The following C2CD5 variants were observed in gnomAD, a reference collection of about 807,000 sequenced individuals.
The protein encoded by C2CD5 is C2 calcium dependent domain containing 5.
C2CD5 carries 109 observed loss-of-function variants against 130.3 expected under a neutral mutation model. The ratio of observed to expected loss-of-function variants is 0.84; its 90% confidence interval spans 0.72 to 0.98. The LOEUF is 0.98. Ranked by LOEUF, C2CD5 falls within the 50% of genes least tolerant of loss-of-function variation. The pLI, the probability that C2CD5 is intolerant of heterozygous loss-of-function variation, is 0.00. For missense variants in C2CD5, 996 were observed against 1,261.8 expected (o/e 0.79, Z 3.19); for synonymous variants, 454 against 429.2 (o/e 1.06, Z -0.71).
In C2CD5 at chr12:22,524,491, T is replaced by C; in HGVS notation, c.582A>G (p.Arg194=). ...TPRASNEARQ[R]LISLMSGELQ... The stretch of plus-strand genomic sequence containing the variant: ...AAATACCTGACATTAACGAAATGAG[T>C]CTCTGTCTGGCCTCATTTGATGCCC... Residue 194 remains arginine, a synonymous_variant, in exon 6 of 27, where the codon AGA becomes AGG. Coordinates refer to ENST00000446597, the MANE Select transcript of C2CD5 (RefSeq NM_001286176.2). 2 of 1,613,434 alleles carry C rather than the reference T, an allele frequency of 1.2e-6. No homozygotes were observed. Among genetic ancestry groups the C allele is most frequent in the Non-Finnish European group, 1.7e-6 (2 of 1,179,688 alleles).
intron 13 of C2CD5, 53 bp from the exon 14 acceptor site, chr12:22,482,796 T>G: frequency 1.5e-6 from 2 of 1,363,742 alleles, no homozygotes; most frequent in East Asian, 2.3e-5. Flanking sequence ...CCTTTAAAAA[T>G]GTCCAAATTT....
At position 22,453,980 on chromosome 12, in the gene C2CD5, A is replaced by G; in HGVS notation, c.2940T>C (p.Ala980=). The G allele has an allele frequency of 1.1e-5, 18 of 1,613,544 alleles. No individual in the cohort carries two copies. Among genetic ancestry groups the G allele is most frequent in the Non-Finnish European group, 1.5e-5 (18 of 1,179,582 alleles). The change falls in exon 26 of 27, where the codon GCT becomes GCC. Residue 980 remains alanine, a synonymous_variant. Transcript: ENST00000446597. ...FIAEVFAMVR[A]HVAALGGNAV... The stretch of plus-strand genomic sequence containing the variant: ...CATTCCCTCCTAATGCAGCAACATG[A>G]GCTCTCACCATTGCAAACACTTCAG...
intron 14 of C2CD5, 30 bp downstream of exon 14, chr12:22,482,527 T>A (rs747684728): frequency 6.3e-7 from 1 of 1,588,970 alleles, no homozygotes; most frequent in Non-Finnish European, 8.6e-7. Context: ...AAGGAAATCA[T>A]AAAACAAAAC....
At chr12:22,457,193 G>C (rs752199970) in intron 24 of C2CD5, 32 bp from the exon 25 acceptor site, 2 of 1,460,856 alleles carry the variant, frequency 1.4e-6, no homozygotes, top group Non-Finnish European at 1.9e-6. Context: ...AAAACATTCA[G>C]AACAGACGCT....
intron 10 of C2CD5, among the ~76,000 whole-genome samples, chr12:22,497,881 T>C (rs1280009324): frequency 1.3e-5 from 2 of 148,416 alleles, no homozygotes; most frequent in African/African-American, 5.0e-5. Flanking sequence ...TTGTGAAATT[T>C]CACTACATAC....
intron 10 of C2CD5, among the ~76,000 whole-genome samples, chr12:22,499,872 T>G (rs1591857265): frequency 1.3e-5 from 2 of 152,134 alleles, no homozygotes; most frequent in East Asian, 3.8e-4. Flanking sequence ...TAATATTGAG[T>G]TCCCTTCTTC....
Position 22,471,957 on chromosome 12 carries a change from A to C in C2CD5, c.2268+10T>G, listed in dbSNP as rs577322358. The stretch of plus-strand genomic sequence containing the variant: ...ACGCATGAAATAAAATTTAGTCAGA[A>C]GGTTCCTACCTTGAGCAAATTTTCA... On this transcript the variant is annotated intron_variant, in intron 19 of 26. Coordinates refer to ENST00000446597, the MANE Select transcript of C2CD5 (RefSeq NM_001286176.2). The C allele has an allele frequency of 2.3e-5, 33 of 1,461,048 alleles. No homozygotes were observed. The highest frequency in any genetic ancestry group is 3.4e-5 in the South Asian group (3 of 87,930). The allele number at this position is 1,461,048 out of a possible 1,614,324, so 90.5% of individuals were successfully genotyped here.
intron 13 of C2CD5, chr12:22,484,403 G>C (rs2136331363): frequency 3.8e-6 from 1 of 263,102 alleles, no homozygotes; most frequent in Middle Eastern, 1.1e-3. Context: ...GAATGTAATT[G>C]AAGCAATCTA....
At chr12:22,484,041 A>T (rs1945111657) in intron 13 of C2CD5, among the ~76,000 whole-genome samples, 1 of 152,146 alleles carries the variant, frequency 6.6e-6, no homozygotes, top group African/African-American at 2.4e-5. Flanking sequence ...GAGGGTCCAA[A>T]CCCATGGCTC....
chr12:22,492,553 G>A (rs10505877), intron 11 of C2CD5, among the ~76,000 whole-genome samples: 24,211 of 152,134 alleles, frequency 0.16, 3,836 homozygotes, highest in African/African-American at 0.41. Flanking sequence ...CAGCTGCTAG[G>A]ATGAACATAA....
At chr12:22,459,572 C>G in intron 22 of C2CD5, 30 bp from the exon 23 acceptor site, 4 of 1,421,984 alleles carry the variant, frequency 2.8e-6, no homozygotes, top group Non-Finnish European at 3.8e-6. Flanking sequence ...AACATTAGCT[C>G]AGATGCTAAG....
At chr12:22,450,580 A>G (rs1334643725) in intron 26 of C2CD5, among the ~76,000 whole-genome samples, 1 of 152,122 alleles carries the variant, frequency 6.6e-6, no homozygotes, top group Non-Finnish European at 1.5e-5. Flanking sequence ...AATCATTTAC[A>G]TAATTATATA....
chr12:22,544,208 C>A, intron 1 of C2CD5, 29 bp from the exon 2 acceptor site: 1 of 1,553,552 alleles, frequency 6.4e-7, no homozygotes, highest in Non-Finnish European at 8.8e-7. Flanking sequence ...GAGTCTGCGC[C>A]GAGCGCGGGG....
chr12:22,501,903 G>C (rs755676570), intron 10 of C2CD5, among the ~76,000 whole-genome samples: 3 of 152,012 alleles, frequency 2.0e-5, no homozygotes, highest in African/African-American at 7.2e-5. Flanking sequence ...TTGCTTTTCT[G>C]TAAGATATAC....
intron 7 of C2CD5, among the ~76,000 whole-genome samples, chr12:22,520,578 G>T (rs770312529): frequency 3.9e-5 from 6 of 152,014 alleles, no homozygotes; most frequent in Admixed American, 2.0e-4. Flanking sequence ...AATGAGTAAG[G>T]TTTTGTTTTT....
chr12:22,456,267 C>CAAT (rs1939830048), intron 25 of C2CD5, among the ~76,000 whole-genome samples: 1 of 152,156 alleles, frequency 6.6e-6, no homozygotes, highest in Non-Finnish European at 1.5e-5. Context: ...TATTGGATGT[C>CAAT]ACACCTCAGT....
chr12:22,487,608 T>C (rs1269447237), intron 12 of C2CD5, among the ~76,000 whole-genome samples: 2 of 152,050 alleles, frequency 1.3e-5, no homozygotes, highest in African/African-American at 2.4e-5. Flanking sequence ...TTGGTGGGAA[T>C]GTAAACTAGT....
rs546557072 is a variant in C2CD5 at position 22,482,694 on chromosome 12, T to C, written c.1600A>G (p.Ile534Val). The change falls in exon 14 of 27, where the codon ATC (isoleucine) becomes GTC (valine). Residue 534 changes from isoleucine (I) to valine (V), a missense_variant. By Grantham distance (29) the Ile-to-Val change is conservative. This residue lies in a region of C2CD5 where 590 missense variants were observed against 631.4 expected (regional missense o/e 0.93). Transcript: ENST00000446597. ...KAQAEANATA[I>V]SNLLPFMEYE... is the part of the protein sequence containing the mutation. The stretch of plus-strand genomic sequence containing the variant: ...TCCATAAATGGCAAGAGATTACTGA[T>C]AGCTGTAGCATTTGCTTCTGCCTGT... 6.2e-6 allele frequency: 10 copies of C among 1,613,696 alleles called. No individual in the cohort carries two copies. The East Asian group carries it at 6.7e-5, about 11-fold the overall frequency.
intron 23 of C2CD5, 86 bp downstream of exon 23, chr12:22,459,406 A>G: frequency 1.2e-6 from 1 of 850,308 alleles, no homozygotes. Context: ...TGTCCAGTGC[A>G]TTTTCTTCAA....
Sources: gnomAD v4.1 joint callset for allele counts (sites outside exome capture counted in the v4.1 genomes callset) on GRCh38, gnomAD v4.1.1 for gene constraint, gnomAD v4.1.1 regional missense constraint, MANE v1.5 for transcripts, NCBI Gene and HGNC (gene_info 2026-07-23, HGNC 2026-07-21) for gene names.